Variants in GRM3 observed in about 807,000 individuals in gnomAD.
GRM3 encodes glutamate metabotropic receptor 3, also known as metabotropic glutamate receptor 3.
A neutral mutation model predicts 70.5 loss-of-function variants in GRM3; 26 were observed. The observed-to-expected ratio is 0.37, with a 90% confidence interval of 0.27 to 0.51. The LOEUF (loss-of-function observed/expected upper bound fraction) is 0.51. GRM3 is among the 20% of genes least tolerant of loss of function. GRM3 has a pLI of 0.93. For missense variants in GRM3, 859 were observed against 1,123.8 expected, an observed-to-expected ratio of 0.76 and a Z score of 3.37; for synonymous variants, 443 against 434.9, an observed-to-expected ratio of 1.02 and a Z score of -0.23.
At chr7:86,723,475 G>T (rs1282705663) in intron 1 of GRM3, among the ~76,000 whole-genome samples, 2 of 152,150 alleles carry the variant, frequency 1.3e-5, no homozygotes, top group African/African-American at 2.4e-5. Context: ...AACTTAAAAA[G>T]AATTAAATTG....
intron 1 of GRM3, among the ~76,000 whole-genome samples, chr7:86,685,835 T>C (rs1794551872): frequency 6.8e-6 from 1 of 146,964 alleles, no homozygotes. Context: ...GAACCAGGAG[T>C]CGGAGGCTGC....
At chr7:86,764,237 TG>T (rs757299375) in intron 1 of GRM3, among the ~76,000 whole-genome samples, 34 of 151,886 alleles carry the variant, frequency 2.2e-4, no homozygotes, top group Non-Finnish European at 3.5e-4. Flanking sequence ...AGTGGGAGGA[TG>T]GGGGAAGGAA....
At chr7:86,667,497 ATCTC>A (rs1180359270) in intron 1 of GRM3, among the ~76,000 whole-genome samples, 2 of 152,110 alleles carry the variant, frequency 1.3e-5, no homozygotes, top group African/African-American at 2.4e-5. Flanking sequence ...TACTCATATT[ATCTC>A]TCTATGTGAC....
In GRM3 at chr7:86,855,880, G is replaced by A. The variant is rs191873016; in HGVS notation, c.2566+5336G>A. ...GCTTCTTCTCTATAGTTCAGCCCCC[G>A]AAAAACAGCATCATGTGCCTGTAAT... On this transcript the variant is annotated intron_variant, in intron 5 of 5. Transcript: ENST00000361669. 2.1e-3 allele frequency among the ~76,000 whole-genome samples: 327 copies of A among 152,196 alleles called. 4 individuals carry two copies. Among genetic ancestry groups the A allele is most frequent in the African/African-American group, 7.4e-3 (309 of 41,532 alleles).
chr7:86,684,477 C>A (rs1562824792), intron 1 of GRM3, among the ~76,000 whole-genome samples: 1 of 152,158 alleles, frequency 6.6e-6, no homozygotes, highest in African/African-American at 2.4e-5. Context: ...GGCAACAAGT[C>A]TATGTTTCTA....
intron 3 of GRM3, among the ~76,000 whole-genome samples, chr7:86,795,666 T>C (rs1275434549): frequency 6.6e-6 from 1 of 152,204 alleles, no homozygotes; most frequent in Non-Finnish European, 1.5e-5. Context: ...TTATCCAGTC[T>C]GTCATTGATG....
intron 3 of GRM3, among the ~76,000 whole-genome samples, chr7:86,794,085 T>C (rs898012592): frequency 1.3e-5 from 2 of 152,158 alleles, no homozygotes; most frequent in Non-Finnish European, 2.9e-5. Flanking sequence ...TTTTTTTAAA[T>C]GTAACTAAAA....
intron 4 of GRM3, among the ~76,000 whole-genome samples, chr7:86,842,315 C>T (rs897354125): frequency 6.6e-6 from 1 of 152,154 alleles, no homozygotes; most frequent in Non-Finnish European, 1.5e-5. Context: ...AGAAACTTTA[C>T]ATAAATATCC....
In GRM3 at chr7:86,812,740, G is replaced by A. The variant is rs141453003; in HGVS notation, c.1324+25624G>A. Among the ~76,000 whole-genome samples the A allele has an allele frequency of 1.6e-3, 247 of 151,874 alleles. 6 individuals carry two copies. The highest frequency in any genetic ancestry group is 0.012 in the Admixed American group (177 of 15,204). On this transcript the variant is annotated intron_variant, in intron 3 of 5. Transcript: ENST00000361669. ...GTGGAAAAATTGGTCTATTTGGGGA[G>A]AAAATAATATTCTCATTTTACCACT...
At chr7:86,697,387 T>C (rs1302816751) in intron 1 of GRM3, among the ~76,000 whole-genome samples, 5 of 151,930 alleles carry the variant, frequency 3.3e-5, no homozygotes, top group African/African-American at 2.4e-5. Flanking sequence ...TAGGAAAGGA[T>C]GGAAAATATT....
chr7:86,724,864 G>T (rs1293633537), intron 1 of GRM3, among the ~76,000 whole-genome samples: 1 of 152,034 alleles, frequency 6.6e-6, no homozygotes, highest in Admixed American at 6.6e-5. Context: ...CTCATTAAAA[G>T]ACTACAATAT....
At chr7:86,804,569 C>A (rs1008196961) in intron 3 of GRM3, among the ~76,000 whole-genome samples, 1 of 152,244 alleles carries the variant, frequency 6.6e-6, no homozygotes, top group Admixed American at 6.5e-5. Context: ...ATCACCACGT[C>A]CAGCTAACTT....
chr7:86,731,588 T>A (rs1482965283), intron 1 of GRM3, among the ~76,000 whole-genome samples: 2 of 152,240 alleles, frequency 1.3e-5, no homozygotes, highest in Non-Finnish European at 2.9e-5. Context: ...GGACAAATTA[T>A]CCCTTTCATT....
intron 1 of GRM3, among the ~76,000 whole-genome samples, chr7:86,733,142 A>G (rs113800345): frequency 0.029 from 4,374 of 151,816 alleles, 200 homozygotes; most frequent in African/African-American, 0.1. Context: ...GTGAAACCCC[A>G]TCTCTACTAA....
In GRM3 at chr7:86,839,720, A is replaced by G; in HGVS notation, c.2206A>G (p.Ser736Gly). Residue 736 changes from serine to glycine, a missense_variant, in exon 4 of 6, where the codon AGC becomes GGC. Physicochemically the swap from Ser to Gly is moderately conservative, Grantham distance 56 (BLOSUM62 0). Coordinates refer to ENST00000361669, the MANE Select transcript of GRM3 (RefSeq NM_000840.3). The surrounding 1 kb of genome is among the most constrained non-coding windows in gnomAD (Gnocchi z 4.5). ...CCTAAAATGCAATGTCAAAGATTCC[A>G]GCATGTTGATCTCTCTTACCTACGA... ...VILKCNVKDS[S>G]MLISLTYDVI... 1.9e-6 allele frequency: 3 copies of G among 1,614,152 alleles called. No individual in the cohort carries two copies. The highest frequency in any genetic ancestry group is 2.2e-5 in the South Asian group (2 of 91,084).
In GRM3 at chr7:86,644,666, C is replaced by A; in HGVS notation, c.-347C>A. On this transcript the variant is annotated 5_prime_UTR_variant, in exon 1 of 6. Transcript: ENST00000361669. ...GCCGGGAGGGGGCAGGGGCAGGGGG[C>A]ACTGTGACAGGAAGCTGCGCGCACA... The A allele has an allele frequency of 3.4e-6, 2 of 581,242 alleles. No homozygotes were observed. Among genetic ancestry groups the A allele is most frequent in the African/African-American group, 1.9e-5 (1 of 52,622 alleles). 36.0% of individuals were successfully genotyped at this position (581,242 alleles called of 1,614,324 possible).
In GRM3 at chr7:86,759,137, G is replaced by A. The variant is rs1002117837; in HGVS notation, c.-140-5869G>A. On this transcript the variant is annotated intron_variant, in intron 1 of 5. Transcript: ENST00000361669. ...AGCCTGGCCTCCTCTATTCTGCCCC[G>A]TCCTTCATACTTTGAAGGAACTTAA... Among the ~76,000 whole-genome samples the A allele has an allele frequency of 5.3e-5, 8 of 152,128 alleles. No individual in the cohort carries two copies. In the East Asian group the frequency reaches 5.8e-4, roughly 11 times the overall value.
intron 2 of GRM3, among the ~76,000 whole-genome samples, chr7:86,769,072 T>G (rs1796676062): frequency 6.6e-6 from 1 of 152,128 alleles, no homozygotes; most frequent in Non-Finnish European, 1.5e-5. Context: ...TCTTTTACAC[T>G]AACGAGGGAA....
At chr7:86,854,364 C>T (rs945909955) in intron 5 of GRM3, among the ~76,000 whole-genome samples, 2 of 152,072 alleles carry the variant, frequency 1.3e-5, no homozygotes, top group Non-Finnish European at 2.9e-5. Flanking sequence ...TAAAGCTGAC[C>T]AGTTGCTCCA....
Sources: gnomAD v4.1 joint callset for allele counts (sites outside exome capture counted in the v4.1 genomes callset) on GRCh38, gnomAD v4.1.1 for gene constraint, Gnocchi (gnomAD v3.1) non-coding constraint, MANE v1.5 for transcripts, NCBI Gene and HGNC (gene_info 2026-07-23, HGNC 2026-07-21) for gene names.